The following COLEC10 variants were observed in gnomAD, a reference collection of about 807,000 sequenced individuals.
The protein encoded by COLEC10 is collectin-10.
A neutral mutation model predicts 28.4 loss-of-function variants in COLEC10; 22 were observed. That is an observed-to-expected ratio of 0.78 (90% confidence interval 0.55 to 1.11). COLEC10 has a LOEUF of 1.11. Ranked by LOEUF, COLEC10 falls within the 50% of genes least tolerant of loss-of-function variation. The pLI is 0.00. For missense variants in COLEC10, 361 were observed against 344.1 expected, an observed-to-expected ratio of 1.05 and a Z score of -0.39; for synonymous variants, 125 against 116.1, an observed-to-expected ratio of 1.08 and a Z score of -0.49.
At chr8:118,963,475 G>A in the COLEC10 span, among the ~76,000 whole-genome samples, 13 of 152,212 alleles carry the variant, frequency 8.5e-5, no homozygotes, top group Admixed American at 2.0e-4. Context: ...GAGCTCTCTC[G>A]ACACAACCTG....
chr8:118,987,438 G>A, the COLEC10 span, among the ~76,000 whole-genome samples: 1 of 151,990 alleles, frequency 6.6e-6, no homozygotes, highest in Non-Finnish European at 1.5e-5. Flanking sequence ...GTGGTACAGG[G>A]CTGTAATCCC....
intron 2 of COLEC10, among the ~76,000 whole-genome samples, chr8:119,053,885 C>A (rs577290000): frequency 2.4e-4 from 37 of 152,052 alleles, no homozygotes; most frequent in Middle Eastern, 3.4e-3. Flanking sequence ...CCTATATATA[C>A]TATGTTTTTT....
intron 2 of COLEC10, among the ~76,000 whole-genome samples, chr8:119,034,415 T>TA (rs372730726): frequency 0.084 from 11,600 of 137,822 alleles, 695 homozygotes; most frequent in East Asian, 0.18. Context: ...TTACAGTATT[T>TA]AAAAAAAAAA....
At chr8:118,958,897 T>G in the COLEC10 span, among the ~76,000 whole-genome samples, 1 of 152,216 alleles carries the variant, frequency 6.6e-6, no homozygotes, top group African/African-American at 2.4e-5. Flanking sequence ...GCTTGTCCTT[T>G]GAAATTATGT....
intron 2 of COLEC10, among the ~76,000 whole-genome samples, chr8:119,029,776 A>G (rs1587007037): frequency 1.3e-5 from 2 of 152,204 alleles, no homozygotes; most frequent in East Asian, 3.8e-4. Context: ...AGAATAAAGA[A>G]TAAGTATAAG....
At chr8:118,956,482 T>TAA in the COLEC10 span, among the ~76,000 whole-genome samples, 4 of 152,136 alleles carry the variant, frequency 2.6e-5, no homozygotes, top group Admixed American at 6.5e-5. Flanking sequence ...CAGCAGTCCA[T>TAA]AACAGGGATC....
intron 2 of COLEC10, among the ~76,000 whole-genome samples, chr8:119,044,127 G>A (rs1009665510): frequency 6.6e-6 from 1 of 152,232 alleles, no homozygotes; most frequent in African/African-American, 2.4e-5. Context: ...GTTTACACCT[G>A]TTGTGCTTTT....
intron 3 of COLEC10, among the ~76,000 whole-genome samples, chr8:119,095,254 G>A (rs1041804275): frequency 3.9e-5 from 6 of 152,194 alleles, no homozygotes; most frequent in Admixed American, 2.6e-4. Context: ...AAAGTTATAA[G>A]CCCTCCACAA....
chr8:119,101,727 T>C (rs1440764639), intron 3 of COLEC10, among the ~76,000 whole-genome samples: 1 of 152,210 alleles, frequency 6.6e-6, no homozygotes, highest in East Asian at 1.9e-4. Flanking sequence ...CCCAGCCTTT[T>C]GGTTTTCATA....
chr8:118,970,788 T>G, the COLEC10 span, among the ~76,000 whole-genome samples: 1 of 152,144 alleles, frequency 6.6e-6, no homozygotes. Flanking sequence ...ACTATAATTA[T>G]GTCCATTTTA....
intron 2 of COLEC10, among the ~76,000 whole-genome samples, chr8:119,053,693 G>GT (rs1272171309): frequency 6.7e-6 from 1 of 150,184 alleles, no homozygotes; most frequent in African/African-American, 2.5e-5. Context: ...AGGTGGGGGG[G>GT]GCTTATTTCT....
chr8:118,991,406 A>G (rs1813504679), upstream of COLEC10, among the ~76,000 whole-genome samples: 1 of 152,172 alleles, frequency 6.6e-6, no homozygotes, highest in Non-Finnish European at 1.5e-5. Context: ...ACAAATGAAT[A>G]CTTATGAAAA....
At chr8:119,019,286 G>A (rs1409706156) in intron 2 of COLEC10, among the ~76,000 whole-genome samples, 10 of 152,108 alleles carry the variant, frequency 6.6e-5, no homozygotes, top group Non-Finnish European at 1.0e-4. Flanking sequence ...GGAGAATACC[G>A]GAAAACTGGA....
the COLEC10 span, among the ~76,000 whole-genome samples, chr8:118,988,866 A>T: frequency 2.4e-4 from 37 of 152,192 alleles, no homozygotes; most frequent in South Asian, 1.2e-3. Flanking sequence ...GATTAACATA[A>T]ATCCTCACAC....
At chr8:119,001,887 A>C (rs1813708692) in intron 1 of COLEC10, among the ~76,000 whole-genome samples, 1 of 152,226 alleles carries the variant, frequency 6.6e-6, no homozygotes, top group Non-Finnish European at 1.5e-5. Flanking sequence ...ATGATTTACA[A>C]TATGTGATAC....
At chr8:118,955,802 A>G in the COLEC10 span, among the ~76,000 whole-genome samples, 1 of 152,194 alleles carries the variant, frequency 6.6e-6, no homozygotes, top group African/African-American at 2.4e-5. Flanking sequence ...TGCTGCATGG[A>G]GAGCAAGGCA....
the COLEC10 span, chr8:118,976,384 G>C: frequency 1.2e-4 from 19 of 152,094 alleles, 1 homozygote; most frequent in East Asian, 3.7e-3. Flanking sequence ...CAGTACTGGT[G>C]GGATTAAAGA....
chr8:119,004,135 A>G (rs4355805), intron 1 of COLEC10, among the ~76,000 whole-genome samples: 95,383 of 151,816 alleles, frequency 0.63, 31,005 homozygotes, highest in African/African-American at 0.79. Context: ...ATCAAAATTG[A>G]TAGCTATTAT....
chr8:118,954,044 T>C, the COLEC10 span, among the ~76,000 whole-genome samples: 9 of 152,242 alleles, frequency 5.9e-5, no homozygotes, highest in Admixed American at 3.9e-4. Context: ...GGGACGTTTG[T>C]ATGAGCACAA....
Sources: gnomAD v4.1 joint callset for allele counts (sites outside exome capture counted in the v4.1 genomes callset) on GRCh38, gnomAD v4.1.1 for gene constraint, MANE v1.5 for transcripts, NCBI Gene and HGNC (gene_info 2026-07-23, HGNC 2026-07-21) for gene names.